The following ABLIM2 variants were observed in gnomAD, a reference collection of about 807,000 sequenced individuals.
ABLIM2 encodes the protein actin-binding LIM protein 2.
In ABLIM2, 53 loss-of-function variants were observed where a neutral mutation model predicts 97.7. The ratio of observed to expected loss-of-function variants is 0.54; its 90% CI spans 0.44 to 0.68. ABLIM2 has a LOEUF of 0.68. ABLIM2 is among the 30% of genes least tolerant of loss of function. ABLIM2 has a pLI of 0.00. For synonymous variants in ABLIM2, 361 were observed against 345.8 expected, an observed-to-expected ratio of 1.04 and a Z score of -0.49; for missense variants, 835 against 867.2, an observed-to-expected ratio of 0.96 and a Z score of 0.47.
At chr4:8,144,198 A>G (rs1185451589) in intron 1 of ABLIM2, among the ~76,000 whole-genome samples, 1 of 152,174 alleles carries the variant, frequency 6.6e-6, no homozygotes, top group African/African-American at 2.4e-5. Context: ...CTCAGCGGGG[A>G]AGCAGCCCCT....
rs1022194084 is a variant in ABLIM2, at chr4:8,033,924, T to C, written c.1047+2225A>G. Among the ~76,000 whole-genome samples the C allele has an allele frequency of 2.6e-5, 4 of 152,170 alleles. No individual in the cohort carries two copies. The highest frequency in any genetic ancestry group is 7.2e-5 in the African/African-American group (3 of 41,442). On this transcript the variant is annotated intron_variant, in intron 10 of 20. Transcript: ENST00000447017. The surrounding 1 kb of genome is among the most constrained non-coding windows in gnomAD (Gnocchi z 4.5). ...CATCACCTCTGCATGTGGCCCTTCATGGCCACAGAGCCCTCCCACAGGGAC... is the reference window on the plus strand; with the variant it reads ...CATCACCTCTGCATGTGGCCCTTCACGGCCACAGAGCCCTCCCACAGGGAC...
chr4:7,993,834 G>C, intron 16 of ABLIM2: 1 of 456,574 alleles, frequency 2.2e-6, no homozygotes. Context: ...TGTCAGGAGG[G>C]GGCAGCCTTT....
chr4:8,013,648 CT>C (rs1383160000), intron 14 of ABLIM2, among the ~76,000 whole-genome samples: 1 of 152,240 alleles, frequency 6.6e-6, no homozygotes, highest in African/African-American at 2.4e-5. Flanking sequence ...CCTTGTCTGT[CT>C]GACCCTGAAG....
At position 7,999,112 on chromosome 4, in the gene ABLIM2, C is replaced by G. The variant is rs1297624715; in HGVS notation, c.1619-6185G>C. Among the ~76,000 whole-genome samples the G allele has an allele frequency of 6.6e-6, 1 of 152,116 alleles. No homozygotes were observed. The highest frequency in any genetic ancestry group is 2.4e-5 in the African/African-American group (1 of 41,410). ...CGGAGTTTTGTTCTTGTTCCCCGGGCTGGAGTACAATGGCGTGATCTTGGC... is the reference window on the plus strand; with the variant it reads ...CGGAGTTTTGTTCTTGTTCCCCGGGGTGGAGTACAATGGCGTGATCTTGGC... On this transcript the variant is annotated intron_variant, in intron 16 of 20. Coordinates refer to ENST00000447017, the MANE Select transcript of ABLIM2 (RefSeq NM_001130083.2). The surrounding 1 kb of genome is among the most constrained non-coding windows in gnomAD (Gnocchi z 4.4).
chr4:7,969,730 GACACACACACACACACAC>G (rs56236019), intron 20 of ABLIM2, among the ~76,000 whole-genome samples: 1 of 139,574 alleles, frequency 7.2e-6, no homozygotes, highest in African/African-American at 2.7e-5. Context: ...CTCTCTCTCT[GACACACACACACACACAC>G]ACACACACAC....
At chr4:8,039,019 G>A (rs1261523967) in intron 9 of ABLIM2, among the ~76,000 whole-genome samples, 2 of 152,096 alleles carry the variant, frequency 1.3e-5, no homozygotes, top group African/African-American at 2.4e-5. Context: ...GCCCCTCCTC[G>A]AGGCTTCCTT....
At position 8,097,125 on chromosome 4, in the gene ABLIM2, G is replaced by A. The variant is rs756477000; in HGVS notation, c.312C>T (p.Pro104=). 9.3e-6 allele frequency: 15 copies of A among 1,610,596 alleles called. No homozygotes were observed. The highest frequency in any genetic ancestry group is 4.5e-5 in the East Asian group (2 of 44,740). ...GGCAGACGGCACACACGAAGCAGTC[G>A]GGGTGGTAGGTCTTGCCCAGCGCCG... The part of the protein sequence containing the change: ...VVSALGKTYH[P]DCFVCAVCRL... The change falls in exon 3 of 21, where the codon CCC becomes CCT. Residue 104 remains proline (P), a synonymous_variant. Transcript: ENST00000447017.
At chr4:7,990,759 C>T (rs1401663667) in intron 17 of ABLIM2, among the ~76,000 whole-genome samples, 1 of 152,110 alleles carries the variant, frequency 6.6e-6, no homozygotes, top group Admixed American at 6.5e-5. Context: ...CTGAGCAGGG[C>T]CGCCCTGAAA....
rs781089907 is a variant in ABLIM2, at chr4:8,080,747, G to C, written c.510C>G (p.Asp170Glu). Reference sequence around the variant, plus strand: ...TAAAACAGCCCAAGTGCCAGTGCTTGTCCAAGGCTACCAGGGCCTGGCCAT... The same window carrying C: ...TAAAACAGCCCAAGTGCCAGTGCTTCTCCAAGGCTACCAGGGCCTGGCCAT... ...IKNGQALVAL[D>E]KHWHLGCFKC... The change falls in exon 5 of 21, where the codon GAC becomes GAG. Residue 170 changes from aspartate (D) to glutamate (E), a missense_variant. Physicochemically the swap from Asp to Glu is conservative, Grantham distance 45 (BLOSUM62 2). Coordinates refer to ENST00000447017, the MANE Select transcript of ABLIM2 (RefSeq NM_001130083.2). 5.0e-6 allele frequency: 8 copies of C among 1,612,826 alleles called. No homozygotes were observed. Among genetic ancestry groups the C allele is most frequent in the Non-Finnish European group, 6.8e-6 (8 of 1,179,112 alleles).
chr4:8,051,675 G>T (rs1294647705), intron 8 of ABLIM2, among the ~76,000 whole-genome samples: 1 of 152,180 alleles, frequency 6.6e-6, no homozygotes, highest in Admixed American at 6.5e-5. Context: ...GGCAGGCACC[G>T]TTTGATATGC....
chr4:8,121,529 G>T (rs1845444342), intron 1 of ABLIM2, among the ~76,000 whole-genome samples: 1 of 152,196 alleles, frequency 6.6e-6, no homozygotes, highest in Admixed American at 6.5e-5. Flanking sequence ...TGACTCCCCT[G>T]CCACCCCCCA....
intron 8 of ABLIM2, among the ~76,000 whole-genome samples, chr4:8,045,589 G>T (rs555526480): frequency 5.9e-4 from 90 of 152,318 alleles, no homozygotes; most frequent in African/African-American, 2.0e-3. Flanking sequence ...GCGGTGCTCA[G>T]TGAGCCAAGA....
At chr4:8,028,110 G>C (rs777518308) in intron 11 of ABLIM2, among the ~76,000 whole-genome samples, 1 of 152,362 alleles carries the variant, frequency 6.6e-6, no homozygotes, top group South Asian at 2.1e-4. Context: ...TTCCCCAGGG[G>C]GGGTTAGGCC....
intron 9 of ABLIM2, among the ~76,000 whole-genome samples, chr4:8,042,877 G>A (rs1206435848): frequency 2.7e-5 from 4 of 149,372 alleles, no homozygotes; most frequent in East Asian, 3.9e-4. Context: ...TTGGCCAGAC[G>A]TGATGACTCA....
intron 1 of ABLIM2, among the ~76,000 whole-genome samples, chr4:8,154,115 A>G (rs1401852914): frequency 3.3e-5 from 5 of 151,558 alleles, no homozygotes; most frequent in African/African-American, 1.2e-4. Flanking sequence ...GGCACCTGCC[A>G]CCACGCCCAG....
Position 8,014,924 on chromosome 4 carries a change from CTTTTT to C in ABLIM2, c.1423+4689_1423+4693del, listed in dbSNP as rs72140876. On this transcript the variant is annotated intron_variant, in intron 14 of 20. Coordinates refer to ENST00000447017, the MANE Select transcript of ABLIM2 (RefSeq NM_001130083.2). Reference sequence around the variant, plus strand: ...CTTTTCTTCCTTCCTTCCTTTCTTTCTTTTTTTTTTTTTTTTGACAGAGTCTCGTT... The same window carrying C: ...CTTTTCTTCCTTCCTTCCTTTCTTTCTTTTTTTTTTTGACAGAGTCTCGTT... Among the ~76,000 whole-genome samples the C allele has an allele frequency of 1.2e-3, 166 of 141,280 alleles. 2 individuals are homozygous for C. Among genetic ancestry groups the C allele is most frequent in the African/African-American group, 4.1e-3 (157 of 37,958 alleles). 92.7% of individuals were successfully genotyped at this position (141,280 alleles called of 152,430 possible).
intron 17 of ABLIM2, among the ~76,000 whole-genome samples, chr4:7,985,201 G>A (rs1484898447): frequency 2.0e-5 from 3 of 152,314 alleles, no homozygotes; most frequent in African/African-American, 7.2e-5. Context: ...CTGCTCCCAG[G>A]TGCCTGAGTT....
Position 8,128,875 on chromosome 4 carries a change from G to C in ABLIM2, c.11-22238C>G, listed in dbSNP as rs1367418576. On this transcript the variant is annotated intron_variant, in intron 1 of 20. Coordinates refer to ENST00000447017, the MANE Select transcript of ABLIM2 (RefSeq NM_001130083.2). The surrounding 1 kb of genome is among the most constrained non-coding windows in gnomAD (Gnocchi z 4.9). ...GGAAAAGGCGGCTGTCTGCAGCTCA[G>C]AAGAGGGCCCACCCAGAGCCCGACC... 6.6e-6 allele frequency among the ~76,000 whole-genome samples: 1 copy of C among 152,224 alleles called. No homozygotes were observed. The highest frequency in any genetic ancestry group is 1.5e-5 in the Non-Finnish European group (1 of 68,034).
At position 8,023,564 on chromosome 4, in the gene ABLIM2, G is replaced by T. The variant is rs1775374597; in HGVS notation, c.1268-3261C>A. On this transcript the variant is annotated intron_variant, in intron 12 of 20. Coordinates refer to ENST00000447017, the MANE Select transcript of ABLIM2 (RefSeq NM_001130083.2). This position sits in a 1 kb window ranked among gnomAD's most constrained non-coding sequence, Gnocchi z 5.7. Reference sequence around the variant, plus strand: ...CTTGCTGACCGGGTCATGCTCGTCAGCCATGGTGGCCTGCTCCACGGTGGA... The same window carrying T: ...CTTGCTGACCGGGTCATGCTCGTCATCCATGGTGGCCTGCTCCACGGTGGA... Among the ~76,000 whole-genome samples, 1 of 152,194 alleles carries T rather than the reference G, an allele frequency of 6.6e-6. No individual in the cohort carries two copies. The highest frequency in any genetic ancestry group is 1.9e-4 in the East Asian group (1 of 5,182).
Sources: gnomAD v4.1 joint callset for allele counts (sites outside exome capture counted in the v4.1 genomes callset) on GRCh38, gnomAD v4.1.1 for gene constraint, Gnocchi (gnomAD v3.1) non-coding constraint, MANE v1.5 for transcripts, NCBI Gene and HGNC (gene_info 2026-07-23, HGNC 2026-07-21) for gene names.